GJE1: variants seen among roughly 807,000 people sequenced by gnomAD.
GJE1 encodes the protein gap junction epsilon-1 protein.
Under a neutral mutation model 6.2 loss-of-function variants are expected in GJE1, and 9 were observed. The observed-to-expected ratio is 1.45, with a 90% confidence interval of 0.87 to 2.52. GJE1 has a LOEUF of 2.52. GJE1 is among the 30% of genes most tolerant of loss of function. The pLI is 0.00. For synonymous variants in GJE1, 65 were observed against 30.1 expected, an observed-to-expected ratio of 2.16 and a Z score of -3.80; for missense variants, 190 against 87.7, an observed-to-expected ratio of 2.17 and a Z score of -4.66.
At chr6:142,134,678 G>A (rs775416933) in exon 3 of GJE1, 3 of 696,172 alleles carry the variant, frequency 4.3e-6, no homozygotes, top group Non-Finnish European at 7.8e-6. Flanking sequence ...TTAAGAATTA[G>A]TCTAGCGGCA....
exon 3 of GJE1, chr6:142,134,916 A>G: frequency 1.8e-6 from 1 of 555,424 alleles, no homozygotes; most frequent in Non-Finnish European, 3.2e-6. Context: ...TTCCATTCAG[A>G]CAATGACCAA....
exon 3 of GJE1, chr6:142,134,676 T>C (rs936384987): frequency 2.9e-6 from 2 of 696,108 alleles, no homozygotes; most frequent in Non-Finnish European, 5.2e-6. Context: ...TATTAAGAAT[T>C]AGTCTAGCGG....
In GJE1 at chr6:142,133,117, A is replaced by C. The variant is rs1778174056; in HGVS notation, c.-42A>C. ...AGAAGCAAACTGGCAATGTGGGTCA[A>C]GAATTAACCAACAGGAATGCCAGGA... On this transcript the variant is annotated 5_prime_UTR_variant, in exon 1 of 3. Coordinates refer to ENST00000450456, the Ensembl canonical transcript of GJE1. 4 of 641,700 alleles carry C rather than the reference A, an allele frequency of 6.2e-6. No individual in the cohort carries two copies. The African/African-American group carries it at 7.3e-5, about 12-fold the overall frequency. 39.8% of individuals were successfully genotyped at this position (641,700 alleles called of 1,614,324 possible). A position where few individuals can be genotyped will look rare whatever the true frequency, so the allele number is the denominator to read the frequency against.
At chr6:142,134,426 G>A (rs1778208216) in intron 2 of GJE1, 113 bp from the exon 3 acceptor site, 3 of 441,542 alleles carry the variant, frequency 6.8e-6, no homozygotes, top group Non-Finnish European at 1.2e-5. Flanking sequence ...ATGAAACTTG[G>A]AATTTTTAAA....
upstream of GJE1, chr6:142,133,042 G>A (rs11963664): frequency 0.012 from 6,167 of 502,702 alleles, 317 homozygotes; most frequent in African/African-American, 0.11. Context: ...GTAGTGATGA[G>A]TGTTTTCTGC....
At chr6:142,134,774 T>C (rs1292662846) in exon 3 of GJE1, 2 of 692,780 alleles carry the variant, frequency 2.9e-6, no homozygotes, top group Non-Finnish European at 5.2e-6. Flanking sequence ...GGGGAAAACA[T>C]GATTATAAGA....
exon 1 of GJE1, chr6:142,133,113 G>A: frequency 1.6e-6 from 1 of 636,992 alleles, no homozygotes; most frequent in Non-Finnish European, 2.8e-6. Context: ...GGCAATGTGG[G>A]TCAAGAATTA....
At chr6:142,134,860 T>G in exon 3 of GJE1, 1 of 638,016 alleles carries the variant, frequency 1.6e-6, no homozygotes, top group South Asian at 1.8e-5. Flanking sequence ...TACAATTTTA[T>G]TATTTGTTGC....
chr6:142,133,926 T>A (rs1463797500), exon 2 of GJE1: 2 of 702,462 alleles, frequency 2.8e-6, no homozygotes, highest in African/African-American at 1.7e-5. Context: ...CTCGGGGTGC[T>A]AGGCTTTGCA....
exon 3 of GJE1, chr6:142,135,067 G>A: frequency 2.6e-6 from 1 of 391,140 alleles, no homozygotes. Context: ...TGGTTGTAAG[G>A]TAAGGATTCT....
chr6:142,135,237 A>G (rs1328921558), downstream of GJE1: 3 of 160,088 alleles, frequency 1.9e-5, no homozygotes, highest in African/African-American at 7.2e-5. Flanking sequence ...GTCTTTTTTT[A>G]CGAAGTGGAA....
Position 142,134,085 on chromosome 6 carries a change from T to C in GJE1, c.234+41T>C, listed in dbSNP as rs1287501728. The C allele has an allele frequency of 1.3e-5, 7 of 555,988 alleles. No individual in the cohort carries two copies. In the South Asian group the frequency reaches 1.5e-4, roughly 12 times the overall value. The allele number at this position is 555,988 out of a possible 1,614,324, so 34.4% of individuals were successfully genotyped here. The stretch of plus-strand genomic sequence containing the variant: ...TTAACTCTACAACAAACTCATTTTC[T>C]CTTTAAATGTAAAATAATGTCATAA... On this transcript the variant is annotated intron_variant, in intron 2 of 2. Transcript: ENST00000450456.
At position 142,133,849 on chromosome 6, in the gene GJE1, G is replaced by A. The variant is rs540729574; in HGVS notation, c.40-1G>A. The A allele has an allele frequency of 1.5e-6, 1 of 674,974 alleles. No individual in the cohort carries two copies. The highest frequency in any genetic ancestry group is 1.8e-5 in the African/African-American group (1 of 56,788). The allele number at this position is 674,974 out of a possible 1,614,324, so 41.8% of individuals were successfully genotyped here. On this transcript the variant is annotated splice_acceptor_variant, in intron 1 of 2. Coordinates refer to ENST00000450456, the Ensembl canonical transcript of GJE1. LOFTEE classifies it high-confidence loss of function. ...TTTTTTTTCTCCTAAAACCATAACA[G>A]GTTAAACCTCCAACTGTGATTGGTC...
chr6:142,134,590 G>T, exon 3 of GJE1: 4 of 650,734 alleles, frequency 6.1e-6, no homozygotes, highest in Non-Finnish European at 1.1e-5. Flanking sequence ...CCACCTTTAT[G>T]CTGCATGTAA....
intron 2 of GJE1, 96 bp from the exon 3 acceptor site, chr6:142,134,441 ACT>A (rs1201661452): frequency 4.5e-5 from 20 of 445,554 alleles, no homozygotes; most frequent in Non-Finnish European, 7.9e-5. Flanking sequence ...TTTAAATTAG[ACT>A]CTGTTGAGAG....
exon 3 of GJE1, chr6:142,134,770 A>C (rs1778218559): frequency 2.9e-6 from 2 of 691,826 alleles, no homozygotes; most frequent in Non-Finnish European, 5.2e-6. Flanking sequence ...TCTTGGGGAA[A>C]ACATGATTAT....
chr6:142,134,610 T>A (rs1000306806), exon 3 of GJE1: 10 of 674,478 alleles, frequency 1.5e-5, no homozygotes, highest in Non-Finnish European at 2.4e-5. Context: ...AAAGCATCAA[T>A]CAAGAATGCA....
At chr6:142,134,607 C>T (rs1438644901) in exon 3 of GJE1, 2 of 668,176 alleles carry the variant, frequency 3.0e-6, no homozygotes, top group Non-Finnish European at 5.4e-6. Flanking sequence ...GTAAAAGCAT[C>T]AATCAAGAAT....
chr6:142,134,981 TACTC>T, exon 3 of GJE1: 1 of 482,966 alleles, frequency 2.1e-6, no homozygotes. Flanking sequence ...AGTTTTATCT[TACTC>T]AGTGAGTACA....
Sources: gnomAD v4.1 joint callset for allele counts on GRCh38, gnomAD v4.1.1 for gene constraint, MANE v1.5 for transcripts, NCBI Gene and HGNC (gene_info 2026-07-23, HGNC 2026-07-21) for gene names.